Variants in LOC400499 observed in about 807,000 individuals in gnomAD.
chr16:11,417,549 G>A, the LOC400499 span: 3 of 398,250 alleles, frequency 7.5e-6, 1 homozygote, highest in Non-Finnish European at 1.3e-5. Context: ...GTGCCACCTG[G>A]GTCCAGGCCT....
chr16:11,460,133 C>G, the LOC400499 span: 7 of 1,200,676 alleles, frequency 5.8e-6, no homozygotes, highest in African/African-American at 1.6e-5. Context: ...GCCACCCACT[C>G]CAGGGATATC....
At chr16:11,485,109 T>A in the LOC400499 span, 1 of 398,876 alleles carries the variant, frequency 2.5e-6, no homozygotes, top group South Asian at 1.3e-4. Context: ...GGAGGAACAA[T>A]TCAGTCACAG....
chr16:11,393,145 C>G, the LOC400499 span, among the ~76,000 whole-genome samples: 1 of 124,230 alleles, frequency 8.0e-6, no homozygotes, highest in Non-Finnish European at 1.7e-5. Flanking sequence ...TGAGCCACCA[C>G]GCCTGGCCAC....
At chr16:11,452,774 A>C in the LOC400499 span, among the ~76,000 whole-genome samples, 3 of 152,228 alleles carry the variant, frequency 2.0e-5, no homozygotes, top group East Asian at 5.8e-4. Context: ...CATTCCTGCC[A>C]GTTCTTCTCC....
chr16:11,448,089 G>A, the LOC400499 span: 9 of 1,532,182 alleles, frequency 5.9e-6, no homozygotes, highest in African/African-American at 1.4e-5. Context: ...ACAAGATCCA[G>A]GCTGAAGAGA....
chr16:11,495,059 A>C, the LOC400499 span, among the ~76,000 whole-genome samples: 3 of 152,066 alleles, frequency 2.0e-5, no homozygotes, highest in African/African-American at 4.8e-5. Context: ...AAACACAAAA[A>C]TTAGCCGAGC....
chr16:11,396,155 C>G, the LOC400499 span, among the ~76,000 whole-genome samples: 3 of 152,236 alleles, frequency 2.0e-5, no homozygotes, highest in South Asian at 6.2e-4. Flanking sequence ...GGAGATAGGG[C>G]CAGTACAATT....
At chr16:11,521,793 C>T in the LOC400499 span, among the ~76,000 whole-genome samples, 1 of 152,158 alleles carries the variant, frequency 6.6e-6, no homozygotes, top group Non-Finnish European at 1.5e-5. Context: ...GCACCATTTT[C>T]CCACATTCCT....
the LOC400499 span, among the ~76,000 whole-genome samples, chr16:11,455,914 T>G: frequency 6.6e-6 from 1 of 151,864 alleles, no homozygotes; most frequent in South Asian, 2.1e-4. Context: ...GCAGAGAGCA[T>G]AATACAATGA....
At chr16:11,460,302 T>C in the LOC400499 span, among the ~76,000 whole-genome samples, 2 of 152,136 alleles carry the variant, frequency 1.3e-5, no homozygotes, top group Admixed American at 6.6e-5. Context: ...GCTGAAGCGT[T>C]CCTGGATGAA....
chr16:11,422,647 G>A, the LOC400499 span, among the ~76,000 whole-genome samples: 1 of 152,238 alleles, frequency 6.6e-6, no homozygotes, highest in East Asian at 1.9e-4. Context: ...TACATGTCAG[G>A]CCCCGTCTCA....
the LOC400499 span, among the ~76,000 whole-genome samples, chr16:11,445,730 T>C: frequency 6.6e-6 from 1 of 152,128 alleles, no homozygotes; most frequent in Non-Finnish European, 1.5e-5. Context: ...TTTGAGAGCA[T>C]GCGGGTGGCA....
At chr16:11,475,543 C>T in the LOC400499 span, 1 of 397,886 alleles carries the variant, frequency 2.5e-6, no homozygotes, top group Non-Finnish European at 4.4e-6. Flanking sequence ...GAGAGCAACT[C>T]TGGGATCTGG....
chr16:11,392,902 G>A, the LOC400499 span: 1 of 676,852 alleles, frequency 1.5e-6, no homozygotes, highest in Admixed American at 6.3e-5. Context: ...CGCCTAGGCT[G>A]GTGTGTGGTG....
At chr16:11,379,921 T>G in the LOC400499 span, among the ~76,000 whole-genome samples, 1 of 152,196 alleles carries the variant, frequency 6.6e-6, no homozygotes, top group African/African-American at 2.4e-5. Flanking sequence ...CCCCACTCTT[T>G]GACAGCTCTG....
chr16:11,391,176 C>T, the LOC400499 span, among the ~76,000 whole-genome samples: 23 of 152,214 alleles, frequency 1.5e-4, no homozygotes, highest in Non-Finnish European at 1.0e-4. Context: ...CCCACCCTGG[C>T]GCTGGGCAGG....
chr16:11,405,253 G>A, the LOC400499 span, among the ~76,000 whole-genome samples: 2 of 152,230 alleles, frequency 1.3e-5, no homozygotes, highest in African/African-American at 2.4e-5. Flanking sequence ...ACGGTGGAGA[G>A]GAGCTTGTAG....
chr16:11,450,294 C>A, the LOC400499 span, among the ~76,000 whole-genome samples: 3 of 152,354 alleles, frequency 2.0e-5, no homozygotes, highest in South Asian at 6.2e-4. Flanking sequence ...GAAATTTTCA[C>A]TCTGTTTTTT....
chr16:11,382,039 C>T, the LOC400499 span, among the ~76,000 whole-genome samples: 62,922 of 151,586 alleles, frequency 0.42, 13,467 homozygotes, highest in Non-Finnish European at 0.48. Context: ...TGGGTTCAAG[C>T]GATTCTCCTG....
Sources: gnomAD v4.1 joint callset for allele counts (sites outside exome capture counted in the v4.1 genomes callset) on GRCh38, gnomAD v4.1.1 for gene constraint, MANE v1.5 for transcripts.